AACS: variants seen among roughly 807,000 people sequenced by gnomAD.
AACS encodes the protein acetoacetyl-CoA synthetase, also known as acetoacetate-CoA ligase.
A neutral mutation model predicts 83.1 loss-of-function variants in AACS; 69 were observed. That is an observed-to-expected ratio of 0.83 (90% CI 0.68 to 1.01). The LOEUF is 1.01. AACS is among the 50% of genes least tolerant of loss of function. AACS has a pLI of 0.00. For missense variants in AACS, 866 were observed against 882.2 expected (o/e 0.98, Z 0.23); for synonymous variants, 333 against 343.4 (o/e 0.97, Z 0.33).
chr12:125,102,922 A>T, intron 6 of AACS, 78 bp from the exon 7 acceptor site: 1 of 1,470,448 alleles, frequency 6.8e-7, no homozygotes, highest in South Asian at 1.2e-5. Flanking sequence ...AGATTGTGTT[A>T]TATTTTGTGG....
At chr12:125,117,405 C>T (rs2136114931) in intron 9 of AACS, among the ~76,000 whole-genome samples, 1 of 150,834 alleles carries the variant, frequency 6.6e-6, no homozygotes, top group Non-Finnish European at 1.5e-5. Context: ...CACAGTGAGA[C>T]TCCGTCTCAA....
At chr12:125,098,098 C>A (rs552517738) in intron 5 of AACS, among the ~76,000 whole-genome samples, 1 of 152,040 alleles carries the variant, frequency 6.6e-6, no homozygotes, top group Admixed American at 6.6e-5. Flanking sequence ...CAAGTGGATC[C>A]GAACCAGTGT....
intron 3 of AACS, among the ~76,000 whole-genome samples, chr12:125,079,907 C>T (rs567160890): frequency 6.6e-6 from 1 of 152,312 alleles, no homozygotes; most frequent in South Asian, 2.1e-4. Flanking sequence ...TGCTTTCTTT[C>T]CTGGGTTTCC....
chr12:125,085,210 G>A (rs1313109151), intron 3 of AACS, among the ~76,000 whole-genome samples: 1 of 152,248 alleles, frequency 6.6e-6, no homozygotes, highest in Non-Finnish European at 1.5e-5. Context: ...CCTCGCACGT[G>A]CATGTTTCAT....
chr12:125,114,982 G>A (rs1336442535), intron 9 of AACS, among the ~76,000 whole-genome samples: 11 of 152,076 alleles, frequency 7.2e-5, no homozygotes, highest in South Asian at 4.1e-4. Context: ...TCTCTGGGGC[G>A]CTGCCTGTGC....
chr12:125,077,210 C>G (rs1036961549), intron 3 of AACS, among the ~76,000 whole-genome samples: 3 of 151,688 alleles, frequency 2.0e-5, no homozygotes, highest in Admixed American at 6.6e-5. Flanking sequence ...GCCACTGCAC[C>G]CGGCCCCTGT....
Position 125,085,408 on chromosome 12 carries a change from G to A in AACS, c.359-922G>A, listed in dbSNP as rs556034970. 6.2e-4 allele frequency among the ~76,000 whole-genome samples: 91 copies of A among 146,828 alleles called. No homozygotes were observed. The East Asian group carries it at 6.9e-3, about 11-fold the overall frequency. ...ACATCTGTTTCGTGGAACCACACAC[G>A]TGCACCTTGCATCCACGTCTGTTTC... On this transcript the variant is annotated intron_variant, in intron 3 of 17. Coordinates refer to ENST00000316519, the MANE Select transcript of AACS (RefSeq NM_023928.5).
intron 3 of AACS, 107 bp from the exon 4 acceptor site, chr12:125,086,223 G>T: frequency 1.1e-6 from 1 of 919,218 alleles, no homozygotes; most frequent in Non-Finnish European, 1.7e-6. Context: ...CCTGGGTGTA[G>T]ATTAATAACC....
At chr12:125,077,497 G>A (rs1956054244) in intron 3 of AACS, among the ~76,000 whole-genome samples, 1 of 147,126 alleles carries the variant, frequency 6.8e-6, no homozygotes, top group Non-Finnish European at 1.5e-5. Flanking sequence ...GCGACAGAGT[G>A]AGACTCTGTC....
chr12:125,069,052 A>G (rs12814481), intron 1 of AACS, among the ~76,000 whole-genome samples: 19,736 of 152,074 alleles, frequency 0.13, 1,332 homozygotes, highest in Middle Eastern at 0.24. Context: ...CATATTGGCC[A>G]GGCTGGTCTC....
At chr12:125,077,509 CAAA>C (rs34406989) in intron 3 of AACS, among the ~76,000 whole-genome samples, 2 of 69,684 alleles carry the variant, frequency 2.9e-5, no homozygotes, top group African/African-American at 5.8e-5. Context: ...GACTCTGTCT[CAAA>C]AAAAAAAAAA....
At chr12:125,078,079 C>G in intron 3 of AACS, 1 of 449,396 alleles carries the variant, frequency 2.2e-6, no homozygotes, top group South Asian at 1.6e-5. Context: ...TCATCAGAAA[C>G]TTCACTCACT....
At position 125,130,369 on chromosome 12, in the gene AACS, C is replaced by T. The variant is rs1957313707; in HGVS notation, c.1549+909C>T. The stretch of plus-strand genomic sequence containing the variant: ...CTGCTGCACCTATGCCCCACCTTGG[C>T]TCCTGCCGTGAGCAGCTGTGCAGAC... On this transcript the variant is annotated intron_variant, in intron 14 of 17. Transcript: ENST00000316519. The surrounding 1 kb of genome is among the most constrained non-coding windows in gnomAD (Gnocchi z 4.9). 6.6e-6 allele frequency among the ~76,000 whole-genome samples: 1 copy of T among 152,274 alleles called. No homozygotes were observed. The highest frequency in any genetic ancestry group is 1.5e-5 in the Non-Finnish European group (1 of 68,048).
intron 7 of AACS, among the ~76,000 whole-genome samples, chr12:125,104,325 T>C (rs902703392): frequency 1.3e-5 from 2 of 152,178 alleles, no homozygotes; most frequent in Non-Finnish European, 2.9e-5. Flanking sequence ...GAGGAGGAGA[T>C]GGCGGAGCCC....
intron 1 of AACS, among the ~76,000 whole-genome samples, chr12:125,070,122 G>C (rs1157864239): frequency 6.6e-6 from 1 of 152,218 alleles, no homozygotes; most frequent in Non-Finnish European, 1.5e-5. Flanking sequence ...GTTACCAGGT[G>C]GAAGTTGCTA....
chr12:125,081,620 G>T (rs1956187630), intron 3 of AACS, among the ~76,000 whole-genome samples: 1 of 152,176 alleles, frequency 6.6e-6, no homozygotes, highest in South Asian at 2.1e-4. Context: ...ACATACATGT[G>T]CACAATTGCC....
rs778769100 is a variant in AACS, at chr12:125,114,587, C to T, written c.996+30C>T. Reference sequence around the variant, plus strand: ...GGGCTTCCCCAGGTGCTGGCCTGTGCTATACCACAATAGGGGCTTCCCTGG... The same window carrying T: ...GGGCTTCCCCAGGTGCTGGCCTGTGTTATACCACAATAGGGGCTTCCCTGG... On this transcript the variant is annotated intron_variant, in intron 9 of 17. Coordinates refer to ENST00000316519, the MANE Select transcript of AACS (RefSeq NM_023928.5). 83 of 1,592,066 alleles carry T rather than the reference C, an allele frequency of 5.2e-5. 1 individual carries two copies. In the South Asian group the frequency reaches 9.2e-4, roughly 18 times the overall value.
chr12:125,072,573 G>T (rs1213918097), intron 1 of AACS, among the ~76,000 whole-genome samples: 1 of 152,202 alleles, frequency 6.6e-6, no homozygotes, highest in African/African-American at 2.4e-5. Flanking sequence ...TAGCAAGGCT[G>T]TGCTTTGAAA....
chr12:125,109,168 G>A (rs1956896917), intron 8 of AACS, among the ~76,000 whole-genome samples: 1 of 151,932 alleles, frequency 6.6e-6, no homozygotes, highest in South Asian at 2.1e-4. Context: ...TTCTCACTTT[G>A]TTGTCCAGGC....
Sources: gnomAD v4.1 joint callset for allele counts (sites outside exome capture counted in the v4.1 genomes callset) on GRCh38, gnomAD v4.1.1 for gene constraint, Gnocchi (gnomAD v3.1) non-coding constraint, MANE v1.5 for transcripts, NCBI Gene and HGNC (gene_info 2026-07-23, HGNC 2026-07-21) for gene names.